ANKMY2: variants seen among roughly 807,000 people sequenced by gnomAD.
The protein encoded by ANKMY2 is ankyrin repeat and MYND domain containing 2, also known as ankyrin repeat and MYND domain-containing protein 2.
In ANKMY2, 36 loss-of-function variants were observed where a neutral mutation model predicts 50.4. The observed-to-expected ratio is 0.71, with a 90% CI of 0.55 to 0.94. ANKMY2 has a LOEUF of 0.94. Among genes scored for constraint, ANKMY2 ranks in the 40% least tolerant of loss-of-function variants. The pLI, the probability that ANKMY2 is intolerant of heterozygous loss-of-function variation, is 0.00. For synonymous variants in ANKMY2, 187 were observed against 178.8 expected, an observed-to-expected ratio of 1.05 and a Z score of -0.36; for missense variants, 565 against 524.0, an observed-to-expected ratio of 1.08 and a Z score of -0.76.
At chr7:16,610,412 G>A (rs968105801) in intron 6 of ANKMY2, 137 bp downstream of exon 6, 1 of 661,462 alleles carries the variant, frequency 1.5e-6, no homozygotes, top group Non-Finnish European at 2.6e-6. Flanking sequence ...TTCTCTGTTT[G>A]TCAAAGACTA....
chr7:16,614,662 C>T (rs1583672116), intron 5 of ANKMY2, among the ~76,000 whole-genome samples: 2 of 152,238 alleles, frequency 1.3e-5, no homozygotes, highest in South Asian at 4.1e-4. Context: ...CTTATAAGAA[C>T]TGTCCACTCA....
intron 1 of ANKMY2, among the ~76,000 whole-genome samples, chr7:16,643,887 T>C (rs1781778506): frequency 6.7e-6 from 1 of 148,846 alleles, no homozygotes; most frequent in African/African-American, 2.6e-5. Context: ...AAAATCTTTC[T>C]AAAGTAGCCG....
intron 4 of ANKMY2, 143 bp from the exon 5 acceptor site, chr7:16,616,047 G>C (rs1298214681): frequency 2.1e-5 from 16 of 746,532 alleles, no homozygotes; most frequent in Non-Finnish European, 2.9e-5. Context: ...AGAGGAGGAG[G>C]AGGAGAGATA....
At chr7:16,603,422 T>C (rs1781103591) in intron 8 of ANKMY2, 1 of 332,098 alleles carries the variant, frequency 3.0e-6, no homozygotes, top group South Asian at 2.5e-5. Context: ...AAATATCTAG[T>C]ACAAAAATGC....
intron 1 of ANKMY2, among the ~76,000 whole-genome samples, chr7:16,641,704 A>G (rs1014562327): frequency 6.6e-6 from 1 of 152,248 alleles, no homozygotes; most frequent in African/African-American, 2.4e-5. Flanking sequence ...CTGGAAATAA[A>G]AGAAGAAAAT....
At chr7:16,638,144 T>C (rs1379544951) in intron 1 of ANKMY2, among the ~76,000 whole-genome samples, 2 of 152,260 alleles carry the variant, frequency 1.3e-5, no homozygotes, top group East Asian at 3.8e-4. Context: ...GTTTCCCCCA[T>C]AAACACCAAG....
chr7:16,636,775 T>A (rs780025139), intron 1 of ANKMY2, among the ~76,000 whole-genome samples: 5 of 152,190 alleles, frequency 3.3e-5, no homozygotes, highest in Non-Finnish European at 7.3e-5. Flanking sequence ...AAAAAAAATC[T>A]TAAAGGGTAT....
At chr7:16,604,034 G>C (rs1781115289) in intron 8 of ANKMY2, among the ~76,000 whole-genome samples, 1 of 152,220 alleles carries the variant, frequency 6.6e-6, no homozygotes, top group African/African-American at 2.4e-5. Flanking sequence ...AGAGAAGTAA[G>C]TCATTAAACA....
At chr7:16,629,876 G>A (rs1393361296) in intron 2 of ANKMY2, among the ~76,000 whole-genome samples, 3 of 151,846 alleles carry the variant, frequency 2.0e-5, no homozygotes, top group East Asian at 1.9e-4. Flanking sequence ...CTTTCCCATG[G>A]GCAAAGTAAA....
At chr7:16,615,312 G>A in intron 5 of ANKMY2, among the ~76,000 whole-genome samples, 1 of 152,116 alleles carries the variant, frequency 6.6e-6, no homozygotes, top group South Asian at 2.1e-4. Context: ...CAGCTACTAT[G>A]GTCTTTTCTC....
chr7:16,645,481 G>T, intron 1 of ANKMY2, 26 bp downstream of exon 1: 1 of 1,590,092 alleles, frequency 6.3e-7, no homozygotes, highest in Non-Finnish European at 8.5e-7. Flanking sequence ...GCTGGCCGCG[G>T]CCGCGTCGCA....
At chr7:16,639,930 C>T (rs1013242495) in intron 1 of ANKMY2, among the ~76,000 whole-genome samples, 14 of 151,896 alleles carry the variant, frequency 9.2e-5, no homozygotes, top group Admixed American at 3.3e-4. Context: ...GAGGCCAAGG[C>T]GGATGGATCA....
intron 1 of ANKMY2, among the ~76,000 whole-genome samples, chr7:16,642,741 A>G (rs1312084208): frequency 1.3e-5 from 2 of 152,188 alleles, no homozygotes; most frequent in South Asian, 2.1e-4. Flanking sequence ...TTCTTCAACT[A>G]TAAAATAAAA....
chr7:16,615,416 G>C lies in ANKMY2; in HGVS notation c.531+328C>G, dbSNP rs185534167. ...TGGAGACAGGCCCCACCCAACAACA[G>C]ACTGATGAATACAAAAGAATTCCTT... On this transcript the variant is annotated intron_variant, in intron 5 of 9. Coordinates refer to ENST00000306999, the MANE Select transcript of ANKMY2 (RefSeq NM_020319.3). 3.8e-3 allele frequency among the ~76,000 whole-genome samples: 585 copies of C among 152,184 alleles called. 3 individuals are homozygous for C. Among genetic ancestry groups the C allele is most frequent in the African/African-American group, 0.013 (549 of 41,514 alleles).
Position 16,645,665 on chromosome 7 carries a change from C to T in ANKMY2, c.-92G>A, listed in dbSNP as rs1356166425. Reference sequence around the variant, plus strand: ...ATTGGGAACGCCAGCCGCAATGAGGCAACTTGAGACCAAGACACTGAGTAG... The same window carrying T: ...ATTGGGAACGCCAGCCGCAATGAGGTAACTTGAGACCAAGACACTGAGTAG... On this transcript the variant is annotated 5_prime_UTR_variant, in exon 1 of 10. Transcript: ENST00000306999. 14 of 1,385,792 alleles carry T rather than the reference C, an allele frequency of 1.0e-5. No homozygotes were observed. Among genetic ancestry groups the T allele is most frequent in the Non-Finnish European group, 1.4e-5 (14 of 1,014,360 alleles). The allele number at this position is 1,385,792 out of a possible 1,614,324, so 85.8% of individuals were successfully genotyped here. A position where few individuals can be genotyped will look rare whatever the true frequency, so the allele number is the denominator to read the frequency against.
intron 2 of ANKMY2, among the ~76,000 whole-genome samples, chr7:16,634,593 C>A (rs986148575): frequency 6.6e-6 from 1 of 152,114 alleles, no homozygotes; most frequent in Non-Finnish European, 1.5e-5. Context: ...TCAACACACG[C>A]GTATGTGGAA....
In ANKMY2 at chr7:16,604,867, A is replaced by T; in HGVS notation, c.883-18T>A. Reference sequence around the variant, plus strand: ...TCAGAACCCTAGAGTGGGCATGAAGAGGAGAAAAAACAAATTCTGAAATCA... The same window carrying T: ...TCAGAACCCTAGAGTGGGCATGAAGTGGAGAAAAAACAAATTCTGAAATCA... On this transcript the variant is annotated intron_variant, in intron 7 of 9. Transcript: ENST00000306999. 6.3e-7 allele frequency: 1 copy of T among 1,593,748 alleles called. No individual in the cohort carries two copies.
At chr7:16,644,037 A>T (rs147933787) in intron 1 of ANKMY2, among the ~76,000 whole-genome samples, 1 of 152,162 alleles carries the variant, frequency 6.6e-6, no homozygotes, top group Non-Finnish European at 1.5e-5. Flanking sequence ...AGAGCGAGAG[A>T]GAGAGAGGAC....
At chr7:16,607,098 C>T (rs1479433883) in intron 7 of ANKMY2, among the ~76,000 whole-genome samples, 1 of 152,212 alleles carries the variant, frequency 6.6e-6, no homozygotes, top group Admixed American at 6.5e-5. Context: ...TAAACAATGG[C>T]TGTGATACGC....
Sources: gnomAD v4.1 joint callset for allele counts (sites outside exome capture counted in the v4.1 genomes callset) on GRCh38, gnomAD v4.1.1 for gene constraint, MANE v1.5 for transcripts, NCBI Gene and HGNC (gene_info 2026-07-23, HGNC 2026-07-21) for gene names.